ATRN: variants seen among roughly 807,000 people sequenced by gnomAD.
The protein encoded by ATRN is attractin-2.
A neutral mutation model predicts 178.7 loss-of-function variants in ATRN; 54 were observed. The observed-to-expected ratio is 0.30, with a 90% confidence interval of 0.24 to 0.38. The LOEUF (loss-of-function observed/expected upper bound fraction) is 0.38. Ranked by LOEUF, ATRN falls within the 10% of genes least tolerant of loss-of-function variation. The pLI, the probability that ATRN is intolerant of heterozygous loss-of-function variation, is 1.00. For missense variants in ATRN, 1,443 were observed against 1,815.1 expected, an observed-to-expected ratio of 0.79 and a Z score of 3.73; for synonymous variants, 636 against 663.0, an observed-to-expected ratio of 0.96 and a Z score of 0.63.
At position 3,471,401 on chromosome 20, in the gene ATRN, C is replaced by T; in HGVS notation, c.294C>T (p.Ala98=). 2 of 1,489,388 alleles carry T rather than the reference C, an allele frequency of 1.3e-6. No individual in the cohort carries two copies. Among genetic ancestry groups the T allele is most frequent in the Middle Eastern group, 1.9e-4 (1 of 5,240 alleles). 92.3% of individuals were successfully genotyped at this position (1,489,388 alleles called of 1,614,324 possible). ...TGTCGGGCTCAGCCGCAGCCGAGGC[C>T]AAGGAATGTGACCGGCCCTGTGTCA... ...AAVSGSAAAE[A]KECDRPCVNG... The change falls in exon 1 of 29, where the codon GCC becomes GCT. Residue 98 remains alanine, a synonymous_variant. Coordinates refer to ENST00000262919, the MANE Select transcript of ATRN (RefSeq NM_139321.3).
intron 25 of ATRN, among the ~76,000 whole-genome samples, chr20:3,626,907 C>T (rs1244721507): frequency 6.6e-6 from 1 of 151,550 alleles, no homozygotes; most frequent in Non-Finnish European, 1.5e-5. Context: ...CTGCCTCAGC[C>T]TCCCAAGTAG....
At chr20:3,626,785 T>TTC (rs1413403057) in intron 25 of ATRN, among the ~76,000 whole-genome samples, 5 of 131,586 alleles carry the variant, frequency 3.8e-5, no homozygotes, top group Admixed American at 7.2e-5. Flanking sequence ...TTATTTCTTT[T>TTC]TTTTTTTTTT....
At chr20:3,637,334 T>A (rs2087033056) in intron 26 of ATRN, among the ~76,000 whole-genome samples, 1 of 152,240 alleles carries the variant, frequency 6.6e-6, no homozygotes, top group African/African-American at 2.4e-5. Flanking sequence ...GCCCCGGTTT[T>A]AAGTGCTTTT....
intron 1 of ATRN, among the ~76,000 whole-genome samples, chr20:3,474,212 C>T (rs1014832959): frequency 6.6e-6 from 1 of 152,092 alleles, no homozygotes; most frequent in Non-Finnish European, 1.5e-5. Context: ...CTGGTTGTCT[C>T]AAATAGTGTC....
chr20:3,539,554 G>A (rs1446876698), intron 2 of ATRN, among the ~76,000 whole-genome samples: 2 of 152,044 alleles, frequency 1.3e-5, no homozygotes, highest in Non-Finnish European at 2.9e-5. Context: ...GCAGGGAGGT[G>A]GGACTGGGTG....
In ATRN at chr20:3,530,576, G is replaced by A. The variant is rs78587801; in HGVS notation, c.411-4677G>A. Among the ~76,000 whole-genome samples the A allele has an allele frequency of 6.1e-4, 93 of 151,960 alleles. 2 individuals are homozygous for A. In the East Asian group the frequency reaches 0.017, roughly 28 times the overall value. ...ATTACAGGTGTGAGCCACTACGCCTGGCCAGGATTTCAGTACATGTTTATC... is the reference window on the plus strand; with the variant it reads ...ATTACAGGTGTGAGCCACTACGCCTAGCCAGGATTTCAGTACATGTTTATC... On this transcript the variant is annotated intron_variant, in intron 1 of 28. Transcript: ENST00000262919.
intron 20 of ATRN, 36 bp downstream of exon 20, chr20:3,594,608 C>G: frequency 6.4e-7 from 1 of 1,554,976 alleles, no homozygotes; most frequent in African/African-American, 1.4e-5. Context: ...CAGGGAGGAC[C>G]AAGAGGCTGT....
At chr20:3,507,829 C>T (rs1468355181) in intron 1 of ATRN, among the ~76,000 whole-genome samples, 3 of 151,204 alleles carry the variant, frequency 2.0e-5, no homozygotes, top group Admixed American at 6.6e-5. Context: ...GGACTACAGG[C>T]GCGCCACCAC....
At chr20:3,492,865 GCGTGCGCACGCA>G (rs1369628731) in intron 1 of ATRN, among the ~76,000 whole-genome samples, 1 of 121,328 alleles carries the variant, frequency 8.2e-6, no homozygotes, top group Admixed American at 7.8e-5. Context: ...GCGCGCGCGC[GCGTGCGCACGCA>G]CACACACACA....
chr20:3,577,311 G>A (rs1198968636), intron 14 of ATRN, among the ~76,000 whole-genome samples: 1 of 152,196 alleles, frequency 6.6e-6, no homozygotes, highest in African/African-American at 2.4e-5. Flanking sequence ...ACTAGACCAT[G>A]ATGTCTCAGC....
rs1474761424 is a variant in ATRN, at chr20:3,584,862, T to A, written c.3166T>A (p.Ser1056Thr). The part of the protein sequence containing the change: ...MCLEDSRYNW[S>T]FIHCPACQCN... ...TCTAGAGGACAGCAGATACAACTGGTCTTTCATTCACTGTCCAGGTAAGAT... is the reference window on the plus strand; with the variant it reads ...TCTAGAGGACAGCAGATACAACTGGACTTTCATTCACTGTCCAGGTAAGAT... Residue 1056 changes from serine (S) to threonine (T), a missense_variant, in exon 18 of 29, where the codon TCT (serine) becomes ACT (threonine). This residue lies in a region of ATRN where 80 missense variants were observed against 71.5 expected (regional missense o/e 1.12). Transcript: ENST00000262919. The A allele has an allele frequency of 1.2e-6, 2 of 1,614,090 alleles. No individual in the cohort carries two copies. The highest frequency in any genetic ancestry group is 3.3e-5 in the Admixed American group (2 of 60,020).
Position 3,583,870 on chromosome 20 carries a change from A to G in ATRN, c.2765-28A>G, listed in dbSNP as rs1443032482. The G allele has an allele frequency of 2.5e-6, 4 of 1,603,508 alleles. No individual in the cohort carries two copies. In the Admixed American group the frequency reaches 5.0e-5, roughly 20 times the overall value. Reference sequence around the variant, plus strand: ...CCTTAGCGGACATGGTGGGAGCTCTAAGTGTCTCTCTTGGGTTTCATTCCC... The same window carrying G: ...CCTTAGCGGACATGGTGGGAGCTCTGAGTGTCTCTCTTGGGTTTCATTCCC... On this transcript the variant is annotated intron_variant, in intron 16 of 28. Transcript: ENST00000262919.
At position 3,563,381 on chromosome 20, in the gene ATRN, AT is replaced by A. The variant is rs2146225456; in HGVS notation, c.1786+22del. On this transcript the variant is annotated intron_variant, in intron 10 of 28. Transcript: ENST00000262919. The stretch of plus-strand genomic sequence containing the variant: ...TGACATTGGTAAGTTTCCCAAAACC[AT>A]TTTCTCTTCAGGCATCTTTTTGCCT... 1 of 1,609,664 alleles carries A rather than the reference AT, an allele frequency of 6.2e-7. No individual in the cohort carries two copies. Among genetic ancestry groups the A allele is most frequent in the East Asian group, 2.2e-5 (1 of 44,774 alleles).
chr20:3,628,064 C>T (rs1356486814), intron 25 of ATRN, among the ~76,000 whole-genome samples: 1 of 152,022 alleles, frequency 6.6e-6, no homozygotes, highest in Non-Finnish European at 1.5e-5. Context: ...CCCAGCTACT[C>T]GGGAGGCTGA....
intron 1 of ATRN, among the ~76,000 whole-genome samples, chr20:3,508,591 G>C (rs1197042585): frequency 6.6e-6 from 1 of 152,146 alleles, no homozygotes; most frequent in Non-Finnish European, 1.5e-5. Flanking sequence ...GATATTTTCA[G>C]ATGAACAAAT....
intron 11 of ATRN, among the ~76,000 whole-genome samples, chr20:3,570,845 T>A (rs1204724216): frequency 6.6e-6 from 1 of 152,220 alleles, no homozygotes; most frequent in Non-Finnish European, 1.5e-5. Flanking sequence ...ATCTAAGCAC[T>A]AGTTGTATTC....
At chr20:3,636,477 A>T (rs2087025864) in intron 26 of ATRN, among the ~76,000 whole-genome samples, 1 of 152,228 alleles carries the variant, frequency 6.6e-6, no homozygotes, top group African/African-American at 2.4e-5. Flanking sequence ...AGTAAAATCA[A>T]AAATACCTTT....
At chr20:3,519,292 C>T (rs2085254780) in intron 1 of ATRN, among the ~76,000 whole-genome samples, 1 of 152,148 alleles carries the variant, frequency 6.6e-6, no homozygotes, top group Non-Finnish European at 1.5e-5. Flanking sequence ...TAGGTTAACA[C>T]ACAGTGTACT....
Position 3,572,951 on chromosome 20 carries a change from A to G in ATRN, c.2092A>G (p.Thr698Ala). 2 of 1,612,800 alleles carry G rather than the reference A, an allele frequency of 1.2e-6. No individual in the cohort carries two copies. Among genetic ancestry groups the G allele is most frequent in the South Asian group, 2.2e-5 (2 of 90,946 alleles). Residue 698 changes from threonine (T) to alanine (A), a missense_variant and splice_region_variant, in exon 12 of 29, where the codon ACT becomes GCT. This residue lies in a region of ATRN where 862 missense variants were observed against 972.1 expected (regional missense o/e 0.89). Transcript: ENST00000262919. Reference sequence around the variant, plus strand: ...AAAATCAGAATGTTTTTCCAAAAGAAGTATGTTTTTTTTTCTCTACTTAGA... The same window carrying G: ...AAAATCAGAATGTTTTTCCAAAAGAGGTATGTTTTTTTTTCTCTACTTAGA... ...KLKSECFSKR[T>A]LDHDRCDQHT...
Sources: allele counts gnomAD v4.1 joint callset (sites outside exome capture counted in the v4.1 genomes callset), GRCh38; gene constraint gnomAD v4.1.1; regional missense constraint gnomAD v4.1.1; transcripts MANE v1.5; gene names NCBI Gene and HGNC (gene_info 2026-07-23, HGNC 2026-07-21).